The following GAS2 variants were observed in gnomAD, a reference collection of about 807,000 sequenced individuals.
GAS2 encodes the protein growth arrest-specific protein 2.
In GAS2, 20 loss-of-function variants were observed where a neutral mutation model predicts 37.5. The observed-to-expected ratio is 0.53, with a 90% confidence interval of 0.37 to 0.77. The LOEUF is 0.77. GAS2 is among the 30% of genes least tolerant of loss of function. The pLI, the probability that GAS2 is intolerant of heterozygous loss-of-function variation, is 0.00. For synonymous variants in GAS2, 144 were observed against 132.2 expected, an observed-to-expected ratio of 1.09 and a Z score of -0.61; for missense variants, 336 against 373.4, an observed-to-expected ratio of 0.90 and a Z score of 0.82.
intron 7 of GAS2, among the ~76,000 whole-genome samples, chr11:22,781,207 A>C (rs1855541210): frequency 6.6e-6 from 1 of 152,072 alleles, no homozygotes; most frequent in Non-Finnish European, 1.5e-5. Flanking sequence ...TGTGGTCCAC[A>C]CTCTATGGTC....
At chr11:22,733,135 C>G (rs11026761) in intron 4 of GAS2, among the ~76,000 whole-genome samples, 2 of 151,246 alleles carry the variant, frequency 1.3e-5, no homozygotes, top group African/African-American at 4.8e-5. Flanking sequence ...ACCATGTGTT[C>G]TTAACCATAT....
chr11:22,770,022 T>A lies in GAS2; in HGVS notation c.723+14069T>A, dbSNP rs557232986. 2.6e-3 allele frequency among the ~76,000 whole-genome samples: 401 copies of A among 152,284 alleles called. 1 individual carries two copies. The highest frequency in any genetic ancestry group is 4.9e-3 in the Non-Finnish European group (334 of 68,038). ...GGGACATGGATGAAACTGGAAGCCA[T>A]CATCCTCAGCAAACTAACACAGGAA... On this transcript the variant is annotated intron_variant, in intron 7 of 7. Transcript: ENST00000454584.
chr11:22,686,305 T>C (rs935022895), intron 3 of GAS2, among the ~76,000 whole-genome samples: 51 of 152,324 alleles, frequency 3.3e-4, no homozygotes, highest in African/African-American at 1.2e-3. Flanking sequence ...AATTCTAATA[T>C]TCTTTTCTAG....
At chr11:22,629,128 A>G (rs1306404228) in intron 1 of GAS2, among the ~76,000 whole-genome samples, 2 of 152,146 alleles carry the variant, frequency 1.3e-5, no homozygotes, top group Non-Finnish European at 2.9e-5. Context: ...GCTGTGATAA[A>G]CATATACATG....
intron 3 of GAS2, among the ~76,000 whole-genome samples, chr11:22,703,201 T>A (rs1456521182): frequency 1.3e-5 from 2 of 152,128 alleles, no homozygotes; most frequent in African/African-American, 4.8e-5. Flanking sequence ...ACTGAATTTT[T>A]CCATGATGAC....
chr11:22,675,927 G>T (rs1293506030), intron 2 of GAS2, among the ~76,000 whole-genome samples: 1 of 152,126 alleles, frequency 6.6e-6, no homozygotes, highest in Non-Finnish European at 1.5e-5. Context: ...ATTTTAGCAA[G>T]GTTTGGCAGA....
intron 7 of GAS2, among the ~76,000 whole-genome samples, chr11:22,763,249 C>T (rs1225462465): frequency 6.6e-6 from 1 of 152,052 alleles, no homozygotes; most frequent in Non-Finnish European, 1.5e-5. Flanking sequence ...CAGGATTATG[C>T]CTGTGTGGTA....
At chr11:22,750,266 G>A (rs1035901622) in intron 6 of GAS2, among the ~76,000 whole-genome samples, 1 of 152,040 alleles carries the variant, frequency 6.6e-6, no homozygotes, top group Admixed American at 6.6e-5. Context: ...CTTCCTCCAG[G>A]ATATGAGCAG....
intron 5 of GAS2, among the ~76,000 whole-genome samples, chr11:22,745,280 C>T (rs1160004719): frequency 6.6e-6 from 1 of 151,962 alleles, no homozygotes; most frequent in Non-Finnish European, 1.5e-5. Context: ...AACAATGAAA[C>T]AGAATATAGA....
At chr11:22,697,511 T>C (rs936498951) in intron 3 of GAS2, among the ~76,000 whole-genome samples, 3 of 152,328 alleles carry the variant, frequency 2.0e-5, no homozygotes, top group Admixed American at 2.0e-4. Flanking sequence ...GGGGATGGCA[T>C]TGAATCTATA....
chr11:22,749,336 G>T (rs916752533), intron 6 of GAS2, 75 bp downstream of exon 6: 9 of 1,338,906 alleles, frequency 6.7e-6, no homozygotes, highest in African/African-American at 3.0e-5. Context: ...GTGCAATCTC[G>T]TATCAGTCTA....
chr11:22,664,982 T>C (rs1305000496), upstream of GAS2, among the ~76,000 whole-genome samples: 1 of 124,734 alleles, frequency 8.0e-6, no homozygotes, highest in Non-Finnish European at 1.7e-5. Context: ...ACAGAGGATC[T>C]GACATAATGC....
upstream of GAS2, chr11:22,666,459 C>T (rs1848987015): frequency 6.6e-6 from 1 of 152,228 alleles, no homozygotes; most frequent in South Asian, 2.1e-4. Flanking sequence ...CCAGCCCCCA[C>T]CTTTTCTCTC....
chr11:22,698,187 A>G (rs1850636595), intron 3 of GAS2, among the ~76,000 whole-genome samples: 1 of 152,206 alleles, frequency 6.6e-6, no homozygotes, highest in Admixed American at 6.5e-5. Context: ...TAAAGGGGAT[A>G]TCACCACCCA....
In GAS2 at chr11:22,765,727, C is replaced by T. The variant is rs763227613; in HGVS notation, c.723+9774C>T. On this transcript the variant is annotated intron_variant, in intron 7 of 7. Transcript: ENST00000454584. ...CCAGGAGGCAGAGCTTGCAGTGTGCCGAGATCGTGCCACTGCACTCCAGCC... is the reference window on the plus strand; with the variant it reads ...CCAGGAGGCAGAGCTTGCAGTGTGCTGAGATCGTGCCACTGCACTCCAGCC... Among the ~76,000 whole-genome samples the T allele has an allele frequency of 4.4e-4, 67 of 150,972 alleles. 1 individual carries two copies. The highest frequency in any genetic ancestry group is 1.2e-3 in the African/African-American group (50 of 41,132).
intron 7 of GAS2, among the ~76,000 whole-genome samples, chr11:22,778,191 A>G (rs1472353553): frequency 6.6e-6 from 1 of 152,222 alleles, no homozygotes; most frequent in African/African-American, 2.4e-5. Flanking sequence ...TCCACTTGCT[A>G]TATAACCTTG....
intron 3 of GAS2, among the ~76,000 whole-genome samples, chr11:22,695,230 G>A (rs1312392827): frequency 6.6e-6 from 1 of 152,026 alleles, no homozygotes; most frequent in African/African-American, 2.4e-5. Flanking sequence ...TGAGGCAGGA[G>A]AATCACTTGA....
At chr11:22,755,163 G>A (rs1473823551) in intron 6 of GAS2, among the ~76,000 whole-genome samples, 1 of 151,996 alleles carries the variant, frequency 6.6e-6, no homozygotes, top group Admixed American at 6.6e-5. Context: ...AAGAGTGGGA[G>A]AATAGATATA....
intron 1 of GAS2, among the ~76,000 whole-genome samples, chr11:22,634,072 AGAGGTTTAG>A (rs890564410): frequency 2.6e-5 from 4 of 152,190 alleles, no homozygotes; most frequent in African/African-American, 9.7e-5. Context: ...TATAAAGAAA[AGAGGTTTAG>A]TTGATTCACA....
Sources: gnomAD v4.1 joint callset for allele counts (sites outside exome capture counted in the v4.1 genomes callset) on GRCh38, gnomAD v4.1.1 for gene constraint, MANE v1.5 for transcripts, NCBI Gene and HGNC (gene_info 2026-07-23, HGNC 2026-07-21) for gene names.